ALDH8A1: variants seen among roughly 807,000 people sequenced by gnomAD.
ALDH8A1 encodes the protein 2-aminomuconic semialdehyde dehydrogenase.
Under a neutral mutation model 43.3 loss-of-function variants are expected in ALDH8A1, and 39 were observed. The observed-to-expected ratio is 0.90, with a 90% CI of 0.70 to 1.18. ALDH8A1 has a LOEUF of 1.18. Among genes scored for constraint, ALDH8A1 ranks in the 50% most tolerant of loss-of-function variants. The pLI is 0.00. For missense variants in ALDH8A1, 605 were observed against 622.6 expected (o/e 0.97, Z 0.30); for synonymous variants, 233 against 243.5 (o/e 0.96, Z 0.40).
chr6:134,921,762 C>T (rs770066091), intron 6 of ALDH8A1, among the ~76,000 whole-genome samples: 11 of 152,224 alleles, frequency 7.2e-5, no homozygotes, highest in Non-Finnish European at 1.5e-4. Context: ...ATGCAGATGG[C>T]AGCCCAGTCT....
Position 134,918,744 on chromosome 6 carries a change from T to C in ALDH8A1, c.1135A>G (p.Thr379Ala), listed in dbSNP as rs1776750717. Reference sequence around the variant, plus strand: ...CAGCAGGATTCATCCTTAATGTCTGTTATCACCGTGGGAAGCATAAAGTAG... The same window carrying C: ...CAGCAGGATTCATCCTTAATGTCTGCTATCACCGTGGGAAGCATAAAGTAG... ...AGYFMLPTVI[T>A]DIKDESCCMT... Residue 379 changes from threonine to alanine, a missense_variant, in exon 7 of 7, where the codon ACA becomes GCA. Transcript: ENST00000265605. 1.9e-6 allele frequency: 3 copies of C among 1,614,196 alleles called. No homozygotes were observed. Among genetic ancestry groups the C allele is most frequent in the Non-Finnish European group, 2.5e-6 (3 of 1,180,030 alleles).
chr6:134,941,043 G>A (rs902869427), intron 3 of ALDH8A1, among the ~76,000 whole-genome samples: 40 of 152,276 alleles, frequency 2.6e-4, no homozygotes, highest in Non-Finnish European at 3.8e-4. Flanking sequence ...CTGGTGGAAG[G>A]TTTTAGTCAT....
In ALDH8A1 at chr6:134,933,018, C is replaced by T; in HGVS notation, c.607G>A (p.Val203Met). Residue 203 changes from valine (V) to methionine (M), a missense_variant, in exon 5 of 7, where the codon GTG (valine) becomes ATG (methionine). Val to Met is a conservative substitution (Grantham distance 21). Transcript: ENST00000265605. Reference protein sequence around the residue: ...LLDKAGVPPGVVNIVFGTGPR... With the variant: ...LLDKAGVPPGMVNIVFGTGPR... ...CCGGTTCCAAACACAATATTGACCA[C>T]ACCTGGTGGAACACCTGGATAGGAA... 6.3e-7 allele frequency: 1 copy of T among 1,575,950 alleles called. No homozygotes were observed.
At chr6:134,946,215 A>G (rs1773946833) in intron 1 of ALDH8A1, among the ~76,000 whole-genome samples, 2 of 152,216 alleles carry the variant, frequency 1.3e-5, no homozygotes. Flanking sequence ...AGAAATTTCT[A>G]GAAATATGGT....
At chr6:134,936,676 C>T (rs1583031057) in intron 4 of ALDH8A1, among the ~76,000 whole-genome samples, 1 of 152,238 alleles carries the variant, frequency 6.6e-6, no homozygotes, top group East Asian at 1.9e-4. Flanking sequence ...AATGCGCTCA[C>T]TGCGGCAGCG....
rs1275649803 is a variant in ALDH8A1, at chr6:134,918,156, A to G, written c.*259T>C. On this transcript the variant is annotated 3_prime_UTR_variant, in exon 7 of 7. Coordinates refer to ENST00000265605, the MANE Select transcript of ALDH8A1 (RefSeq NM_022568.4). ...ATGATGAAAGAAACACTATGAAAAC[A>G]TAACCTGGGAGGAGCCTGACAACTG... The G allele has an allele frequency of 6.2e-6, 3 of 481,860 alleles. No homozygotes were observed. Among genetic ancestry groups the G allele is most frequent in the Non-Finnish European group, 1.1e-5 (3 of 272,936 alleles). The allele number at this position is 481,860 out of a possible 1,614,324, so 29.8% of individuals were successfully genotyped here.
chr6:134,938,859 G>C (rs1290846702), intron 4 of ALDH8A1, among the ~76,000 whole-genome samples: 1 of 152,066 alleles, frequency 6.6e-6, no homozygotes, highest in African/African-American at 2.4e-5. Flanking sequence ...GTATTAGCCA[G>C]GATGGTCTCG....
At chr6:134,942,295 G>T (rs1773869522) in intron 3 of ALDH8A1, 114 bp downstream of exon 3, 7 of 1,325,690 alleles carry the variant, frequency 5.3e-6, no homozygotes, top group South Asian at 1.9e-5. Context: ...TTTTAGAAAA[G>T]AAAAATATCA....
At chr6:134,932,223 CT>C (rs888974639) in intron 5 of ALDH8A1, among the ~76,000 whole-genome samples, 10 of 152,152 alleles carry the variant, frequency 6.6e-5, no homozygotes, top group African/African-American at 9.7e-5. Context: ...CTTAAAGAAT[CT>C]GACAAAAACT....
At position 134,926,408 on chromosome 6, in the gene ALDH8A1, C is replaced by T. The variant is rs956075221; in HGVS notation, c.1011+2646G>A. 5.4e-5 allele frequency among the ~76,000 whole-genome samples: 8 copies of T among 147,848 alleles called. No homozygotes were observed. The East Asian group carries it at 1.8e-3, about 33-fold the overall frequency. ...TAGAGACAGGGTTTCACCATGTTGG[C>T]CAGGCTGGTCTTAAACTCCTGACCT... On this transcript the variant is annotated intron_variant, in intron 6 of 6. Transcript: ENST00000265605.
chr6:134,920,087 A>G (rs973276492), intron 6 of ALDH8A1, among the ~76,000 whole-genome samples: 2 of 152,118 alleles, frequency 1.3e-5, no homozygotes, highest in African/African-American at 2.4e-5. Flanking sequence ...ATTTTGTTTA[A>G]TTTCCTATAG....
intron 1 of ALDH8A1, among the ~76,000 whole-genome samples, chr6:134,946,388 T>C (rs536915712): frequency 6.6e-6 from 1 of 152,282 alleles, no homozygotes; most frequent in South Asian, 2.1e-4. Context: ...ATCTGGTCTT[T>C]TTGCTATTCA....
At chr6:134,942,378 G>C (rs369000455) in intron 3 of ALDH8A1, 31 bp downstream of exon 3, 7 of 1,552,032 alleles carry the variant, frequency 4.5e-6, no homozygotes, top group Non-Finnish European at 6.1e-6. Context: ...AAGCATAACC[G>C]GGAGGTGGGC....
intron 6 of ALDH8A1, among the ~76,000 whole-genome samples, chr6:134,920,195 C>A (rs1776776346): frequency 1.3e-5 from 2 of 152,180 alleles, no homozygotes; most frequent in Admixed American, 1.3e-4. Flanking sequence ...CCACCACACC[C>A]AGCTCAAGAC....
Position 134,918,883 on chromosome 6 carries a change from T to C in ALDH8A1, c.1012-16A>G, listed in dbSNP as rs1342185554. On this transcript the variant is annotated splice_polypyrimidine_tract_variant and intron_variant, in intron 6 of 6. Transcript: ENST00000265605. ...AACTTCTGACCTGCGTGGGTAAAAATCATAATTAGCAATGTCTTACCATGT... is the reference window on the plus strand; with the variant it reads ...AACTTCTGACCTGCGTGGGTAAAAACCATAATTAGCAATGTCTTACCATGT... 9 of 1,609,596 alleles carry C rather than the reference T, an allele frequency of 5.6e-6. No homozygotes were observed. Among genetic ancestry groups the C allele is most frequent in the Non-Finnish European group, 7.6e-6 (9 of 1,176,712 alleles).
Position 134,942,517 on chromosome 6 carries a change from G to C in ALDH8A1, c.334C>G (p.Gln112Glu). ...GAGGAAGCGAAGAACCTGAAGTTCT[G>C]CACAGACCGGGGAATGTCCATGGTT... ...ARTMDIPRSV[Q>E]NFRFFASSSL... is the part of the protein sequence containing the mutation. Residue 112 changes from glutamine (Q) to glutamate (E), a missense_variant, in exon 3 of 7, where the codon CAG (glutamine) becomes GAG (glutamate). Physicochemically the swap from Gln to Glu is conservative, Grantham distance 29. Transcript: ENST00000265605. The C allele has an allele frequency of 1.2e-6, 2 of 1,614,192 alleles. No homozygotes were observed. Among genetic ancestry groups the C allele is most frequent in the Non-Finnish European group, 1.7e-6 (2 of 1,180,042 alleles).
At position 134,923,183 on chromosome 6, in the gene ALDH8A1, C is replaced by T. The variant is rs142811353; in HGVS notation, c.1012-4316G>A. ...CTGGGACTACAGGCACGCACTACCACGCCTGGCTAAATTTTTTTGTATAAT... is the reference window on the plus strand; with the variant it reads ...CTGGGACTACAGGCACGCACTACCATGCCTGGCTAAATTTTTTTGTATAAT... On this transcript the variant is annotated intron_variant, in intron 6 of 6. Coordinates refer to ENST00000265605, the MANE Select transcript of ALDH8A1 (RefSeq NM_022568.4). Among the ~76,000 whole-genome samples, 15 of 152,134 alleles carry T rather than the reference C, an allele frequency of 9.9e-5. No homozygotes were observed. In the East Asian group the frequency reaches 1.5e-3, roughly 16 times the overall value.
chr6:134,939,962 T>A (rs933025403), intron 3 of ALDH8A1, among the ~76,000 whole-genome samples: 9 of 152,150 alleles, frequency 5.9e-5, no homozygotes, highest in African/African-American at 2.2e-4. Flanking sequence ...CTTAGCAAAG[T>A]AACACAGAAA....
At chr6:134,935,258 T>A (rs1429331752) in intron 4 of ALDH8A1, among the ~76,000 whole-genome samples, 1 of 152,236 alleles carries the variant, frequency 6.6e-6, no homozygotes, top group Non-Finnish European at 1.5e-5. Flanking sequence ...TACTGTGGAC[T>A]CATCACTGCT....
Sources: allele counts gnomAD v4.1 joint callset (sites outside exome capture counted in the v4.1 genomes callset), GRCh38; gene constraint gnomAD v4.1.1; transcripts MANE v1.5; gene names NCBI Gene and HGNC (gene_info 2026-07-23, HGNC 2026-07-21).